Variants in PLXDC2 observed in about 807,000 individuals in gnomAD.
PLXDC2 encodes the protein plexin domain-containing protein 2.
PLXDC2 carries 40 observed loss-of-function variants against 68.9 expected under a neutral mutation model. The ratio of observed to expected loss-of-function variants is 0.58; its 90% CI spans 0.45 to 0.76. The LOEUF (loss-of-function observed/expected upper bound fraction) is 0.76. Among genes scored for constraint, PLXDC2 ranks in the 30% least tolerant of loss-of-function variants. PLXDC2 has a pLI of 0.00. For missense variants in PLXDC2, 644 were observed against 661.9 expected (o/e 0.97, Z 0.30); for synonymous variants, 243 against 234.2 (o/e 1.04, Z -0.34).
At chr10:19,982,130 C>T (rs1013867740) in intron 1 of PLXDC2, among the ~76,000 whole-genome samples, 8 of 152,184 alleles carry the variant, frequency 5.3e-5, no homozygotes, top group African/African-American at 1.9e-4. Flanking sequence ...AGAAACTTTC[C>T]CCAAAGAGTA....
At chr10:19,847,676 T>C (rs1345796206) in intron 1 of PLXDC2, among the ~76,000 whole-genome samples, 1 of 152,216 alleles carries the variant, frequency 6.6e-6, no homozygotes, top group Non-Finnish European at 1.5e-5. Flanking sequence ...CCAACCTCAA[T>C]GTATTTCAGC....
intron 5 of PLXDC2, among the ~76,000 whole-genome samples, chr10:20,147,414 T>A (rs1304193579): frequency 6.6e-6 from 1 of 152,220 alleles, no homozygotes; most frequent in African/African-American, 2.4e-5. Context: ...TCTCAGCATT[T>A]GTCAAATGTA....
intron 1 of PLXDC2, among the ~76,000 whole-genome samples, chr10:19,870,997 A>G (rs1307228740): frequency 1.3e-5 from 2 of 152,222 alleles, no homozygotes; most frequent in East Asian, 1.9e-4. Flanking sequence ...GTCCAAGACC[A>G]GAGCTGGGAT....
intron 1 of PLXDC2, among the ~76,000 whole-genome samples, chr10:19,870,686 A>C (rs1253459982): frequency 1.3e-5 from 2 of 152,190 alleles, no homozygotes; most frequent in Non-Finnish European, 2.9e-5. Flanking sequence ...TTGGCCTCCC[A>C]AAGTGCTGGG....
intron 1 of PLXDC2, among the ~76,000 whole-genome samples, chr10:19,971,393 T>C (rs1381528955): frequency 6.6e-6 from 1 of 152,132 alleles, no homozygotes; most frequent in Non-Finnish European, 1.5e-5. Flanking sequence ...TGAACATGGG[T>C]AAGCAAAAAA....
chr10:20,048,189 G>T (rs2884576), intron 3 of PLXDC2, among the ~76,000 whole-genome samples: 15,643 of 152,142 alleles, frequency 0.1, 931 homozygotes, highest in South Asian at 0.29. Context: ...AAAATTTTTG[G>T]CAGTGGTCTT....
intron 2 of PLXDC2, among the ~76,000 whole-genome samples, chr10:20,015,217 A>G (rs1219371661): frequency 6.6e-6 from 1 of 152,160 alleles, no homozygotes; most frequent in African/African-American, 2.4e-5. Flanking sequence ...GCAGTTGCAA[A>G]ATTAGGAACT....
intron 1 of PLXDC2, among the ~76,000 whole-genome samples, chr10:19,986,485 GA>G (rs994989365): frequency 2.0e-5 from 3 of 151,040 alleles, no homozygotes; most frequent in Non-Finnish European, 2.9e-5. Flanking sequence ...AATGGGAATG[GA>G]ACAAAGCATT....
chr10:20,092,516 G>C (rs1297388157), intron 4 of PLXDC2, among the ~76,000 whole-genome samples: 1 of 152,058 alleles, frequency 6.6e-6, no homozygotes, highest in Non-Finnish European at 1.5e-5. Context: ...CTTACAAGGT[G>C]TTTAAATTTT....
intron 1 of PLXDC2, among the ~76,000 whole-genome samples, chr10:19,930,125 A>G (rs1564631560): frequency 6.6e-6 from 1 of 152,004 alleles, no homozygotes; most frequent in Non-Finnish European, 1.5e-5. Context: ...AGTTGCCCAA[A>G]TTCCCTTAAT....
rs1054484381 is a variant in PLXDC2 at position 19,909,935 on chromosome 10, A to G, written c.113-91840A>G. ...TAGGATGTCATCTTTAGTGCTGTTC[A>G]TACTTGGGACCCCAAAATTCTACTT... On this transcript the variant is annotated intron_variant, in intron 1 of 13. Transcript: ENST00000377252. 5.3e-5 allele frequency among the ~76,000 whole-genome samples: 8 copies of G among 152,304 alleles called. No individual in the cohort carries two copies. In the East Asian group the frequency reaches 1.5e-3, roughly 29 times the overall value.
chr10:20,260,759 G>A (rs1835799644), intron 13 of PLXDC2, among the ~76,000 whole-genome samples: 1 of 151,978 alleles, frequency 6.6e-6, no homozygotes, highest in African/African-American at 2.4e-5. Context: ...TTAATTTTTT[G>A]AGTAAACTTC....
Position 20,283,413 on chromosome 10 carries a change from C to T in PLXDC2, c.*3594C>T, listed in dbSNP as rs889815931. On this transcript the variant is annotated 3_prime_UTR_variant, in exon 14 of 14. Transcript: ENST00000377252. ...ATGTTAATGTAACCCATATAAAGTA[C>T]GACTTTTGGTCGAGTACCAGCACAA... 13 of 152,162 alleles carry T rather than the reference C, an allele frequency of 8.5e-5. No homozygotes were observed. The highest frequency in any genetic ancestry group is 4.6e-4 in the Admixed American group (7 of 15,278). The allele number at this position is 152,162 out of a possible 1,614,324, so 9.4% of individuals were successfully genotyped here. A position where few individuals can be genotyped will look rare whatever the true frequency, so the allele number is the denominator to read the frequency against.
chr10:19,882,699 T>A (rs920718539), intron 1 of PLXDC2, among the ~76,000 whole-genome samples: 1 of 152,178 alleles, frequency 6.6e-6, no homozygotes, highest in Non-Finnish European at 1.5e-5. Context: ...AACGAATAGA[T>A]GAGATGTAGA....
At chr10:20,053,265 G>C (rs1564297672) in intron 3 of PLXDC2, among the ~76,000 whole-genome samples, 1 of 151,880 alleles carries the variant, frequency 6.6e-6, no homozygotes, top group African/African-American at 2.4e-5. Flanking sequence ...TGTCATTTTT[G>C]TTTAAATAAC....
At chr10:20,175,606 A>T (rs1834516289) in intron 7 of PLXDC2, among the ~76,000 whole-genome samples, 2 of 152,206 alleles carry the variant, frequency 1.3e-5, no homozygotes, top group African/African-American at 4.8e-5. Flanking sequence ...AAGCAGGGGG[A>T]TCACTTGAGT....
chr10:20,105,834 C>G (rs1194397569), intron 4 of PLXDC2, among the ~76,000 whole-genome samples: 2 of 152,180 alleles, frequency 1.3e-5, no homozygotes, highest in East Asian at 3.8e-4. Context: ...TCGAGCTGCT[C>G]TCTAGTGATG....
intron 1 of PLXDC2, among the ~76,000 whole-genome samples, chr10:19,994,882 A>G (rs1276418251): frequency 1.3e-5 from 2 of 151,896 alleles, no homozygotes; most frequent in Admixed American, 6.6e-5. Context: ...AGCTGGGATT[A>G]CAGGTGTGCA....
chr10:20,192,101 A>G (rs1430449970), intron 9 of PLXDC2, among the ~76,000 whole-genome samples: 1 of 152,004 alleles, frequency 6.6e-6, no homozygotes, highest in Non-Finnish European at 1.5e-5. Flanking sequence ...GGTAAAGCTT[A>G]CCCGAGGTTA....
Sources: allele counts gnomAD v4.1 joint callset (sites outside exome capture counted in the v4.1 genomes callset), GRCh38; gene constraint gnomAD v4.1.1; transcripts MANE v1.5; gene names NCBI Gene and HGNC (gene_info 2026-07-23, HGNC 2026-07-21).